CBLB: variants seen among roughly 807,000 people sequenced by gnomAD.
CBLB encodes the protein E3 ubiquitin-protein ligase CBL-B.
CBLB carries 31 observed loss-of-function variants against 104.9 expected under a neutral mutation model. That is an observed-to-expected ratio of 0.30 (90% CI 0.22 to 0.40). The LOEUF is 0.40. Among genes scored for constraint, CBLB ranks in the 10% least tolerant of loss-of-function variants. The pLI is 1.00. For missense variants in CBLB, 1,062 were observed against 1,214.6 expected, an observed-to-expected ratio of 0.87 and a Z score of 1.87; for synonymous variants, 440 against 422.6, an observed-to-expected ratio of 1.04 and a Z score of -0.51.
At chr3:105,762,744 G>A (rs2077778730) in intron 4 of CBLB, among the ~76,000 whole-genome samples, 7 of 152,246 alleles carry the variant, frequency 4.6e-5, no homozygotes, top group Admixed American at 4.6e-4. Context: ...CTAGAGCAGT[G>A]TGGGAGGGAA....
At chr3:105,820,182 A>G (rs2085638809) in intron 3 of CBLB, among the ~76,000 whole-genome samples, 1 of 152,106 alleles carries the variant, frequency 6.6e-6, no homozygotes, top group Admixed American at 6.5e-5. Context: ...ACAGTTCACA[A>G]TAGGGTTCAC....
At chr3:105,842,105 T>C (rs1172074676) in intron 3 of CBLB, among the ~76,000 whole-genome samples, 1 of 152,092 alleles carries the variant, frequency 6.6e-6, no homozygotes. Flanking sequence ...CTGTCCATTA[T>C]AAAAATTCAG....
At chr3:105,866,743 A>G (rs1042547579) in intron 2 of CBLB, among the ~76,000 whole-genome samples, 1 of 152,206 alleles carries the variant, frequency 6.6e-6, no homozygotes, top group African/African-American at 2.4e-5. Context: ...TCTGAAAGCA[A>G]CATGCAGAAA....
chr3:105,730,886 A>G (rs1306474002), intron 9 of CBLB, among the ~76,000 whole-genome samples: 1 of 152,180 alleles, frequency 6.6e-6, no homozygotes, highest in Non-Finnish European at 1.5e-5. Context: ...TTACTCTCAC[A>G]TAACTTTTAA....
At chr3:105,737,055 A>C in intron 8 of CBLB, 116 bp downstream of exon 8, 1 of 468,410 alleles carries the variant, frequency 2.1e-6, no homozygotes, top group Non-Finnish European at 3.9e-6. Context: ...GAATTCCTTA[A>C]GTATATTTTG....
At chr3:105,827,678 T>C (rs1429232559) in intron 3 of CBLB, among the ~76,000 whole-genome samples, 1 of 152,030 alleles carries the variant, frequency 6.6e-6, no homozygotes, top group Non-Finnish European at 1.5e-5. Flanking sequence ...ACACAAAAAT[T>C]TAAGACAGGA....
chr3:105,685,857 T>C (rs1441092819), intron 13 of CBLB, among the ~76,000 whole-genome samples: 1 of 152,334 alleles, frequency 6.6e-6, no homozygotes, highest in East Asian at 1.9e-4. Context: ...ATAATAAGCA[T>C]GGTTGTTTTA....
chr3:105,861,833 T>C (rs1292669435), intron 2 of CBLB, among the ~76,000 whole-genome samples: 1 of 152,126 alleles, frequency 6.6e-6, no homozygotes, highest in Non-Finnish European at 1.5e-5. Flanking sequence ...CATACTCATT[T>C]TAATCTCACC....
At chr3:105,831,720 A>G (rs2087557635) in intron 3 of CBLB, among the ~76,000 whole-genome samples, 1 of 152,226 alleles carries the variant, frequency 6.6e-6, no homozygotes, top group Non-Finnish European at 1.5e-5. Context: ...AGGAGGTGAT[A>G]TTTATGCTTA....
At chr3:105,686,356 T>C (rs1468737600) in intron 13 of CBLB, among the ~76,000 whole-genome samples, 4 of 151,926 alleles carry the variant, frequency 2.6e-5, no homozygotes, top group African/African-American at 9.7e-5. Flanking sequence ...GACGACCAAC[T>C]AGTTTGCAAG....
chr3:105,797,386 T>C (rs148247347), intron 3 of CBLB, among the ~76,000 whole-genome samples: 1 of 151,982 alleles, frequency 6.6e-6, no homozygotes, highest in South Asian at 2.1e-4. Context: ...GATGTTTAGT[T>C]CTCTCCAAGA....
Position 105,659,190 on chromosome 3 carries a change from G to C in CBLB, c.2729C>G (p.Pro910Arg). ...GTGAATTTCTGGTGCAGTCCTGCGC[G>C]GTCGTGGTTTAGGGGGTCTGGCTGG... is the stretch of plus-strand genomic sequence containing the variant. ...QAPARPPKPR[P>R]RRTAPEIHHR... is the part of the protein sequence containing the mutation. Residue 910 changes from proline to arginine, a missense_variant, in exon 19 of 19, where the codon CCG becomes CGG. Transcript: ENST00000394030. The C allele has an allele frequency of 1.2e-6, 2 of 1,613,928 alleles. No individual in the cohort carries two copies. Among genetic ancestry groups the C allele is most frequent in the Non-Finnish European group, 1.7e-6 (2 of 1,179,900 alleles).
intron 12 of CBLB, among the ~76,000 whole-genome samples, chr3:105,701,344 T>G (rs1230370567): frequency 6.6e-6 from 1 of 152,126 alleles, no homozygotes; most frequent in East Asian, 1.9e-4. Context: ...ATATAGGAGG[T>G]TCATTTTACC....
chr3:105,765,716 G>A (rs1460551866), intron 4 of CBLB, among the ~76,000 whole-genome samples: 1 of 152,132 alleles, frequency 6.6e-6, no homozygotes, highest in Admixed American at 6.5e-5. Context: ...GCCTACTGTT[G>A]AGATATGCTG....
chr3:105,804,260 C>A (rs1303342066), intron 3 of CBLB, among the ~76,000 whole-genome samples: 1 of 152,130 alleles, frequency 6.6e-6, no homozygotes, highest in African/African-American at 2.4e-5. Flanking sequence ...GTGGCTCATG[C>A]CTGTGGTCCC....
chr3:105,824,947 T>C (rs1233064245), intron 3 of CBLB, among the ~76,000 whole-genome samples: 1 of 152,164 alleles, frequency 6.6e-6, no homozygotes, highest in East Asian at 1.9e-4. Flanking sequence ...TAGAGTGTAA[T>C]CAGAAGAGTA....
chr3:105,807,185 C>G (rs1345130981), intron 3 of CBLB, among the ~76,000 whole-genome samples: 1 of 152,128 alleles, frequency 6.6e-6, no homozygotes, highest in Non-Finnish European at 1.5e-5. Context: ...TCAAATGTCA[C>G]CTAAATAAAT....
intron 10 of CBLB, among the ~76,000 whole-genome samples, chr3:105,710,055 G>A (rs1426970776): frequency 6.6e-6 from 1 of 151,574 alleles, no homozygotes; most frequent in Non-Finnish European, 1.5e-5. Flanking sequence ...ACATTTTTTT[G>A]GTCCCCATAT....
intron 3 of CBLB, among the ~76,000 whole-genome samples, chr3:105,797,998 G>A (rs926563211): frequency 1.2e-4 from 18 of 152,194 alleles, no homozygotes; most frequent in African/African-American, 4.3e-4. Context: ...CTGTGCTCAG[G>A]AGCCATATGA....
Sources: gnomAD v4.1 joint callset for allele counts (sites outside exome capture counted in the v4.1 genomes callset) on GRCh38, gnomAD v4.1.1 for gene constraint, MANE v1.5 for transcripts, NCBI Gene and HGNC (gene_info 2026-07-23, HGNC 2026-07-21) for gene names.